Variants in SMAP2 observed in about 807,000 individuals in gnomAD.
SMAP2 encodes the protein stromal membrane-associated protein 2.
SMAP2 carries 25 observed loss-of-function variants against 56.4 expected under a neutral mutation model. The observed-to-expected ratio is 0.44, with a 90% CI of 0.32 to 0.62. The LOEUF (loss-of-function observed/expected upper bound fraction) is 0.62, where lower values mean the gene tolerates loss of function less well. Among genes scored for constraint, SMAP2 ranks in the 20% least tolerant of loss-of-function variants. SMAP2 has a pLI of 0.04. For missense variants in SMAP2, 388 were observed against 545.6 expected, an observed-to-expected ratio of 0.71 and a Z score of 2.88; for synonymous variants, 157 against 181.7, an observed-to-expected ratio of 0.86 and a Z score of 1.09.
At chr1:40,390,366 G>T (rs1010732344) in intron 1 of SMAP2, among the ~76,000 whole-genome samples, 11 of 152,232 alleles carry the variant, frequency 7.2e-5, no homozygotes, top group African/African-American at 2.7e-4. Context: ...GTTGCGAAGA[G>T]AAATTCACAT....
chr1:40,408,006 C>A lies in SMAP2; in HGVS notation c.238-647C>A, dbSNP rs1178602517. Among the ~76,000 whole-genome samples, 1 of 152,100 alleles carries A rather than the reference C, an allele frequency of 6.6e-6. No individual in the cohort carries two copies. Among genetic ancestry groups the A allele is most frequent in the Non-Finnish European group, 1.5e-5 (1 of 68,006 alleles). Reference sequence around the variant, plus strand: ...AGTAAAAGGGAAGCCCCCCGCCCCCCAAATCCAGTTGCTAAAGTTGGTAAT... The same window carrying A: ...AGTAAAAGGGAAGCCCCCCGCCCCCAAAATCCAGTTGCTAAAGTTGGTAAT... On this transcript the variant is annotated intron_variant, in intron 2 of 9. Transcript: ENST00000372718. The surrounding 1 kb of genome is among the most constrained non-coding windows in gnomAD (Gnocchi z 4.3).
chr1:40,359,092 T>C (rs2124172636), intron 1 of SMAP2, among the ~76,000 whole-genome samples: 1 of 152,328 alleles, frequency 6.6e-6, no homozygotes, highest in African/African-American at 2.4e-5. Context: ...ATTTTCAGTC[T>C]ATGTGTATCT....
intron 1 of SMAP2, among the ~76,000 whole-genome samples, chr1:40,353,194 CTT>C (rs1182517073): frequency 6.6e-6 from 1 of 152,220 alleles, no homozygotes; most frequent in Non-Finnish European, 1.5e-5. Context: ...TCTCGGAAAA[CTT>C]TTGTTTTCCT....
chr1:40,347,060 T>C (rs1277237067), intron 1 of SMAP2, among the ~76,000 whole-genome samples: 1 of 124,252 alleles, frequency 8.0e-6, no homozygotes, highest in Admixed American at 7.8e-5. Flanking sequence ...TTATTTATTT[T>C]TGAGACACGG....
In SMAP2 at chr1:40,383,429, G is replaced by A. The variant is rs556724917; in HGVS notation, c.103+9206G>A. ...TTCCCTGTGATCAAGCGGAGCAAGGGAGGGATCCCAGCGCAAACAGGCAAA... is the reference window on the plus strand; with the variant it reads ...TTCCCTGTGATCAAGCGGAGCAAGGAAGGGATCCCAGCGCAAACAGGCAAA... On this transcript the variant is annotated intron_variant, in intron 1 of 9. Transcript: ENST00000372718. Among the ~76,000 whole-genome samples the A allele has an allele frequency of 3.9e-5, 6 of 152,212 alleles. No homozygotes were observed. The South Asian group carries it at 1.2e-3, about 31-fold the overall frequency.
At chr1:40,404,292 T>G (rs1038357509) in intron 1 of SMAP2, among the ~76,000 whole-genome samples, 8 of 152,218 alleles carry the variant, frequency 5.3e-5, no homozygotes, top group African/African-American at 1.7e-4. Context: ...ATCACTATAT[T>G]CACTGGGAAA....
Position 40,408,874 on chromosome 1 carries a change from T to A in SMAP2, c.323+136T>A. On this transcript the variant is annotated intron_variant, in intron 3 of 9. Transcript: ENST00000372718. The surrounding 1 kb of genome is among the most constrained non-coding windows in gnomAD (Gnocchi z 4.3). Reference sequence around the variant, plus strand: ...CAGTGTCCTTGCTTGTCCTCTGTCCTGCAATCAAGGTGCACAAAAAGCACA... The same window carrying A: ...CAGTGTCCTTGCTTGTCCTCTGTCCAGCAATCAAGGTGCACAAAAAGCACA... The A allele has an allele frequency of 1.5e-6, 1 of 648,846 alleles. No homozygotes were observed. The highest frequency in any genetic ancestry group is 1.9e-5 in the South Asian group (1 of 51,586). The allele number at this position is 648,846 out of a possible 1,614,324, so 40.2% of individuals were successfully genotyped here.
chr1:40,407,846 G>A (rs1373908990), intron 2 of SMAP2, among the ~76,000 whole-genome samples: 1 of 152,190 alleles, frequency 6.6e-6, no homozygotes, highest in Non-Finnish European at 1.5e-5. Flanking sequence ...CATGCTGTTA[G>A]CTTGGTGGGC....
chr1:40,407,426 G>A (rs1644895668), intron 2 of SMAP2, among the ~76,000 whole-genome samples: 1 of 152,084 alleles, frequency 6.6e-6, no homozygotes, highest in African/African-American at 2.4e-5. Flanking sequence ...AGAAGTTGAA[G>A]CTGCGGTTAG....
chr1:40,402,562 G>C (rs948845372), intron 1 of SMAP2, among the ~76,000 whole-genome samples: 2 of 151,762 alleles, frequency 1.3e-5, no homozygotes, highest in Non-Finnish European at 2.9e-5. Context: ...CAATTCTCCT[G>C]CCTCAGCCTC....
rs1200561011 is a variant in SMAP2, at chr1:40,374,699, A to G, written c.103+476A>G. On this transcript the variant is annotated intron_variant, in intron 1 of 9. Coordinates refer to ENST00000372718, the MANE Select transcript of SMAP2 (RefSeq NM_022733.3). This position sits in a 1 kb window ranked among gnomAD's most constrained non-coding sequence, Gnocchi z 5.9. ...GGCGGAAAGGAAAACTGCTTAAATG[A>G]TTTTTAAAGGTGGTGATTTTTGCTT... The G allele has an allele frequency of 3.9e-6, 6 of 1,550,310 alleles. No individual in the cohort carries two copies. In the South Asian group the frequency reaches 5.9e-5, roughly 15 times the overall value.
chr1:40,392,136 C>A (rs976170163), intron 1 of SMAP2, among the ~76,000 whole-genome samples: 1 of 152,008 alleles, frequency 6.6e-6, no homozygotes, highest in Non-Finnish European at 1.5e-5. Context: ...GAAATCTAAT[C>A]TTTGGACTTG....
At chr1:40,393,638 C>G in intron 1 of SMAP2, 1 of 757,342 alleles carries the variant, frequency 1.3e-6, no homozygotes, top group Non-Finnish European at 2.1e-6. Context: ...CTCCACCTCC[C>G]AGGTTCAAGC....
intron 1 of SMAP2, among the ~76,000 whole-genome samples, chr1:40,377,320 A>G (rs960226039): frequency 6.6e-6 from 1 of 152,172 alleles, no homozygotes; most frequent in Non-Finnish European, 1.5e-5. Context: ...ACAAATAAAC[A>G]TCAGAATAGA....
At chr1:40,393,317 A>G in intron 1 of SMAP2, 2 of 1,521,518 alleles carry the variant, frequency 1.3e-6, no homozygotes, top group Non-Finnish European at 1.8e-6. Flanking sequence ...TTAGAAGAAC[A>G]AACAAAAAAC....
chr1:40,384,320 A>G (rs1333398109), intron 1 of SMAP2, among the ~76,000 whole-genome samples: 1 of 152,228 alleles, frequency 6.6e-6, no homozygotes, highest in African/African-American at 2.4e-5. Flanking sequence ...ACTTCAGATA[A>G]GTTTGCACTG....
rs559619677 is a variant in SMAP2 at position 40,417,389 on chromosome 1, T to C, written c.1164+293T>C. ...AAAGAAACCCTGTACAAACAATGAA[T>C]GCAGATATTCTCACAACAATCTCAT... On this transcript the variant is annotated intron_variant, in intron 9 of 9. Transcript: ENST00000372718. 1.4e-3 allele frequency among the ~76,000 whole-genome samples: 208 copies of C among 152,302 alleles called. 1 individual carries two copies. In the South Asian group the frequency reaches 0.014, roughly 10 times the overall value.
rs1553189351 is a variant in SMAP2 at position 40,374,624 on chromosome 1, T to TGTGTGA, written c.103+402_103+403insTGTGAG. 185 of 834,262 alleles carry TGTGTGA rather than the reference T, an allele frequency of 2.2e-4. No homozygotes were observed. Among genetic ancestry groups the TGTGTGA allele is most frequent in the Admixed American group, 5.1e-4 (22 of 42,766 alleles). The allele number at this position is 834,262 out of a possible 1,614,324, so 51.7% of individuals were successfully genotyped here. The stretch of plus-strand genomic sequence containing the variant: ...GTGTGTGTGTGTGTGTGTGTGTGTG[T>TGTGTGA]GAGAGAGAGAGAGAGAGAATGACGA... On this transcript the variant is annotated intron_variant, in intron 1 of 9. Coordinates refer to ENST00000372718, the MANE Select transcript of SMAP2 (RefSeq NM_022733.3). The surrounding 1 kb of genome is among the most constrained non-coding windows in gnomAD (Gnocchi z 5.9).
chr1:40,348,800 G>A (rs1018373846), intron 1 of SMAP2, among the ~76,000 whole-genome samples: 1 of 151,954 alleles, frequency 6.6e-6, no homozygotes, highest in African/African-American at 2.4e-5. Flanking sequence ...TTGAGATGGA[G>A]TCCTCTGTCG....
Sources: gnomAD v4.1 joint callset for allele counts (sites outside exome capture counted in the v4.1 genomes callset) on GRCh38, gnomAD v4.1.1 for gene constraint, Gnocchi (gnomAD v3.1) non-coding constraint, MANE v1.5 for transcripts, NCBI Gene and HGNC (gene_info 2026-07-23, HGNC 2026-07-21) for gene names.